Variants in CIITA observed in about 807,000 individuals in gnomAD.
CIITA encodes the protein class II major histocompatibility complex transactivator.
Under a neutral mutation model 115.1 loss-of-function variants are expected in CIITA, and 72 were observed. The ratio of observed to expected loss-of-function variants is 0.63; its 90% confidence interval spans 0.52 to 0.76. The LOEUF (loss-of-function observed/expected upper bound fraction) is 0.76, where lower values mean the gene tolerates loss of function less well. Ranked by LOEUF, CIITA falls within the 30% of genes least tolerant of loss-of-function variation. The pLI is 0.00. For missense variants in CIITA, 1,617 were observed against 1,463.8 expected (o/e 1.10, Z -1.71); for synonymous variants, 763 against 635.6 (o/e 1.20, Z -3.02).
Position 10,922,501 on chromosome 16 carries a change from G to A in CIITA, c.3317+11G>A, listed in dbSNP as rs759674349. On this transcript the variant is annotated intron_variant, in intron 18 of 19. Transcript: ENST00000324288. Reference sequence around the variant, plus strand: ...TGTGGAGACGCTGGCGTAAGTCCAGGCAACCCTGGTGGGTGGAGAACAACT... The same window carrying A: ...TGTGGAGACGCTGGCGTAAGTCCAGACAACCCTGGTGGGTGGAGAACAACT... 16 of 1,613,884 alleles carry A rather than the reference G, an allele frequency of 9.9e-6. No homozygotes were observed. The highest frequency in any genetic ancestry group is 1.4e-5 in the Non-Finnish European group (16 of 1,179,822).
chr16:10,918,655 A>T (rs1333429649), intron 16 of CIITA, 129 bp downstream of exon 16: 2 of 752,380 alleles, frequency 2.7e-6, no homozygotes, highest in Non-Finnish European at 4.4e-6. Flanking sequence ...GAACAAAAGG[A>T]TTAGCGGGAC....
At position 10,942,719 on chromosome 16, in the gene CIITA, CAT is replaced by C. The variant is rs1183753162; in HGVS notation, n.1847_1848del. ...AGACTGAACACAGTTCAAACCTAGACATAATGCTAAGGCCGCAAAAGCCGAAG... is the reference window on the plus strand; with the variant it reads ...AGACTGAACACAGTTCAAACCTAGACAATGCTAAGGCCGCAAAAGCCGAAG... On this transcript the variant is annotated non_coding_transcript_exon_variant, in exon 2 of 2. Coordinates refer to the CIITA transcript ENST00000573379. This position sits in a 1 kb window ranked among gnomAD's most constrained non-coding sequence, Gnocchi z 5.0. 1 of 152,264 alleles carries C rather than the reference CAT, an allele frequency of 6.6e-6. No individual in the cohort carries two copies. The highest frequency in any genetic ancestry group is 1.5e-5 in the Non-Finnish European group (1 of 68,060). 9.4% of individuals were successfully genotyped at this position (152,264 alleles called of 1,614,324 possible). A position where few individuals can be genotyped will look rare whatever the true frequency, so the allele number is the denominator to read the frequency against.
chr16:10,896,007 A>G (rs942273210), intron 3 of CIITA, among the ~76,000 whole-genome samples: 1 of 152,012 alleles, frequency 6.6e-6, no homozygotes, highest in Non-Finnish European at 1.5e-5. Flanking sequence ...TCATGTTTAC[A>G]TCCTCCACCT....
rs1326184029 is a variant in CIITA at position 10,909,065 on chromosome 16, C to G, written c.2694C>G (p.Ser898=). 1 of 1,614,036 alleles carries G rather than the reference C, an allele frequency of 6.2e-7. No homozygotes were observed. Among genetic ancestry groups the G allele is most frequent in the Admixed American group, 1.7e-5 (1 of 59,998 alleles). ...ALSDTVALWE[S]LQQHGETKLL... The stretch of plus-strand genomic sequence containing the variant: ...GCGACACGGTGGCGCTGTGGGAGTC[C>G]CTGCAGCAGCATGGGGAGACCAAGC... The change falls in exon 12 of 20, where the codon TCC becomes TCG. Residue 898 remains serine, a synonymous_variant. Transcript: ENST00000324288.
chr16:10,895,822 A>G, intron 3 of CIITA, 58 bp downstream of exon 3: 1 of 1,519,246 alleles, frequency 6.6e-7, no homozygotes, highest in Non-Finnish European at 9.1e-7. Flanking sequence ...CTTTGCTGCC[A>G]CTTGTCAATA....
Position 10,920,281 on chromosome 16 carries a change from T to G in CIITA, c.3149+1755T>G, listed in dbSNP as rs2040200468. Among the ~76,000 whole-genome samples, 1 of 152,250 alleles carries G rather than the reference T, an allele frequency of 6.6e-6. No homozygotes were observed. The highest frequency in any genetic ancestry group is 1.5e-5 in the Non-Finnish European group (1 of 68,044). ...TTTTCTTTTTGAGACCAAGTCTCAC[T>G]TTATTGCCCAGGCTAAGGTGCAGTG... On this transcript the variant is annotated intron_variant, in intron 16 of 19. Coordinates refer to ENST00000324288, the MANE Select transcript of CIITA (RefSeq NM_000246.4). The surrounding 1 kb of genome is among the most constrained non-coding windows in gnomAD (Gnocchi z 4.5).
rs989378406 is a variant in CIITA at position 10,942,726 on chromosome 16, C to T, written n.1852C>T. On this transcript the variant is annotated non_coding_transcript_exon_variant, in exon 2 of 2. Transcript: ENST00000573379. The surrounding 1 kb of genome is among the most constrained non-coding windows in gnomAD (Gnocchi z 5.0). ...ACACAGTTCAAACCTAGACATAATG[C>T]TAAGGCCGCAAAAGCCGAAGGAAAC... 2.6e-5 allele frequency: 4 copies of T among 152,264 alleles called. No homozygotes were observed. The highest frequency in any genetic ancestry group is 4.8e-5 in the African/African-American group (2 of 41,468). The allele number at this position is 152,264 out of a possible 1,614,324, so 9.4% of individuals were successfully genotyped here. A position where few individuals can be genotyped will look rare whatever the true frequency, so the allele number is the denominator to read the frequency against.
intron 10 of CIITA, among the ~76,000 whole-genome samples, chr16:10,905,703 C>A (rs913080053): frequency 6.6e-6 from 1 of 150,844 alleles, no homozygotes. Context: ...TGGAGGTTGC[C>A]GTGAGCTGAG....
At chr16:10,870,259 G>A (rs1455419425) in intron 1 of CIITA, among the ~76,000 whole-genome samples, 1 of 150,600 alleles carries the variant, frequency 6.6e-6, no homozygotes, top group Non-Finnish European at 1.5e-5. Flanking sequence ...ACCCCAAATA[G>A]GGTGGCAGTC....
In CIITA at chr16:10,922,476, T is replaced by A; in HGVS notation, c.3303T>A (p.His1101Gln). 1 of 1,614,038 alleles carries A rather than the reference T, an allele frequency of 6.2e-7. No individual in the cohort carries two copies. Among genetic ancestry groups the A allele is most frequent in the Non-Finnish European group, 8.5e-7 (1 of 1,179,918 alleles). The part of the protein sequence containing the change: ...QLAASLRRCP[H>Q]VETLAMWTPT... The stretch of plus-strand genomic sequence containing the variant: ...CTGCCAGCCTTCGGAGGTGTCCTCA[T>A]GTGGAGACGCTGGCGTAAGTCCAGG... Residue 1101 changes from histidine (H) to glutamine (Q), a missense_variant, in exon 18 of 20, where the codon CAT (histidine) becomes CAA (glutamine). Physicochemically the swap from His to Gln is conservative, Grantham distance 24. Transcript: ENST00000324288.
chr16:10,883,418 C>T (rs968906076), intron 1 of CIITA, among the ~76,000 whole-genome samples: 7 of 152,230 alleles, frequency 4.6e-5, no homozygotes, highest in Admixed American at 3.9e-4. Context: ...TCATACAGCT[C>T]ATCTTCATTC....
In CIITA at chr16:10,910,205, A is replaced by C. The variant is rs747917501; in HGVS notation, c.2834A>C (p.Glu945Ala). The C allele has an allele frequency of 1.2e-6, 2 of 1,613,948 alleles. No homozygotes were observed. Among genetic ancestry groups the C allele is most frequent in the East Asian group, 4.5e-5 (2 of 44,886 alleles). The change falls in exon 13 of 20, where the codon GAA becomes GCA. Residue 945 changes from glutamate to alanine, a missense_variant. Transcript: ENST00000324288. Reference protein sequence around the residue: ...VQTQRTRSSSEDTAGELPAVR... With the variant: ...VQTQRTRSSSADTAGELPAVR... ...CTCTCCAGGACGAGAAGTTCCTCGG[A>C]AGACACAGCTGGGGAGCTCCCTGCT... is the stretch of plus-strand genomic sequence containing the variant.
downstream of CIITA, chr16:10,940,743 T>C (rs1452308424): frequency 6.6e-6 from 1 of 152,374 alleles, no homozygotes. This position sits in a 1 kb window ranked among gnomAD's most constrained non-coding sequence, Gnocchi z 4.2. Context: ...ACATACACAG[T>C]GGGCTGGATG....
chr16:10,926,253 C>G lies in CIITA; in HGVS notation c.*2398C>G, dbSNP rs998162084. 2.0e-5 allele frequency: 3 copies of G among 152,250 alleles called. No individual in the cohort carries two copies. Among genetic ancestry groups the G allele is most frequent in the Non-Finnish European group, 4.4e-5 (3 of 68,050 alleles). 9.4% of individuals were successfully genotyped at this position (152,250 alleles called of 1,614,324 possible). On this transcript the variant is annotated 3_prime_UTR_variant, in exon 20 of 20. Coordinates refer to ENST00000324288, the MANE Select transcript of CIITA (RefSeq NM_000246.4). Reference sequence around the variant, plus strand: ...GCAGACAGGCAAGCACCTCCTGCCTCGAACTGGCTGCAAAGGGTATCAGGT... The same window carrying G: ...GCAGACAGGCAAGCACCTCCTGCCTGGAACTGGCTGCAAAGGGTATCAGGT...
In CIITA at chr16:10,907,145, C is replaced by T; in HGVS notation, c.1653C>T (p.Gly551=). 5 of 1,613,020 alleles carry T rather than the reference C, an allele frequency of 3.1e-6. No individual in the cohort carries two copies. The highest frequency in any genetic ancestry group is 4.2e-6 in the Non-Finnish European group (5 of 1,179,878). Residue 551 remains glycine (G), a synonymous_variant, in exon 11 of 20, where the codon GGC becomes GGT. Coordinates refer to ENST00000324288, the MANE Select transcript of CIITA (RefSeq NM_000246.4). The surrounding 1 kb of genome is among the most constrained non-coding windows in gnomAD (Gnocchi z 5.0). ...TCCTCCTCACAGCCCGGCCCCGGGG[C>T]CGCCTGGTCCAGAGCCTGAGCAAGG... ...CTLLLTARPR[G]RLVQSLSKAD... is the part of the protein sequence containing the mutation.
chr16:10,904,639 G>A, intron 9 of CIITA, 105 bp from the exon 10 acceptor site: 2 of 1,174,222 alleles, frequency 1.7e-6, no homozygotes, highest in South Asian at 2.4e-5. Context: ...CTCCATCTTG[G>A]GAAACTCAGC....
chr16:10,905,771 A>G lies in CIITA; in HGVS notation c.1007-728A>G, dbSNP rs982045816. Among the ~76,000 whole-genome samples, 9 of 152,050 alleles carry G rather than the reference A, an allele frequency of 5.9e-5. 1 individual carries two copies. Among genetic ancestry groups the G allele is most frequent in the Middle Eastern group, 3.4e-3 (1 of 292 alleles). ...GGCAGGATCCATCTCAAAAAAAAAA[A>G]AGAGAGAAAAGGTCTAAAAGGAGTG... is the stretch of plus-strand genomic sequence containing the variant. On this transcript the variant is annotated intron_variant, in intron 10 of 19. Coordinates refer to ENST00000324288, the MANE Select transcript of CIITA (RefSeq NM_000246.4).
chr16:10,922,707 C>A (rs2040340531), intron 18 of CIITA, among the ~76,000 whole-genome samples: 1 of 152,170 alleles, frequency 6.6e-6, no homozygotes, highest in Non-Finnish European at 1.5e-5. Context: ...TAATCAAGCC[C>A]TACAAAGCTC....
Position 10,941,627 on chromosome 16 carries a change from C to T in CIITA, n.753C>T. ...GGAACCATCCCCGTCCAGATGGTGC[C>T]CCCAACCAGCTGCGGCGGCATGATC... On this transcript the variant is annotated non_coding_transcript_exon_variant, in exon 2 of 2. Transcript: ENST00000573379. The surrounding 1 kb of genome is among the most constrained non-coding windows in gnomAD (Gnocchi z 6.4). 1 of 1,521,472 alleles carries T rather than the reference C, an allele frequency of 6.6e-7. No individual in the cohort carries two copies. The allele number at this position is 1,521,472 out of a possible 1,614,324, so 94.2% of individuals were successfully genotyped here.
Sources: gnomAD v4.1 joint callset for allele counts (sites outside exome capture counted in the v4.1 genomes callset) on GRCh38, gnomAD v4.1.1 for gene constraint, Gnocchi (gnomAD v3.1) non-coding constraint, MANE v1.5 for transcripts, NCBI Gene and HGNC (gene_info 2026-07-23, HGNC 2026-07-21) for gene names.